ANKH: variants seen among roughly 807,000 people sequenced by gnomAD.
ANKH encodes the protein mineralization regulator ANKH.
Under a neutral mutation model 49.0 loss-of-function variants are expected in ANKH, and 15 were observed. That is an observed-to-expected ratio of 0.31 (90% CI 0.20 to 0.47). The LOEUF (loss-of-function observed/expected upper bound fraction) is 0.47, where lower values mean the gene tolerates loss of function less well. Among genes scored for constraint, ANKH ranks in the 20% least tolerant of loss-of-function variants. ANKH has a pLI of 1.00. For synonymous variants in ANKH, 273 were observed against 260.0 expected, an observed-to-expected ratio of 1.05 and a Z score of -0.48; for missense variants, 429 against 652.0, an observed-to-expected ratio of 0.66 and a Z score of 3.72.
chr5:14,830,834 G>A (rs1324841229), intron 1 of ANKH, among the ~76,000 whole-genome samples: 2 of 151,920 alleles, frequency 1.3e-5, no homozygotes, highest in Admixed American at 1.3e-4. Context: ...CTGGTTTTTG[G>A]CATCCAAAGG....
chr5:14,843,510 TAATGAGCCCTTCTCCCA>T (rs2126611873), intron 1 of ANKH, among the ~76,000 whole-genome samples: 2 of 114,014 alleles, frequency 1.8e-5, no homozygotes, highest in African/African-American at 7.1e-5. Context: ...AGACCCCAAC[TAATGAGCCCTTCTCCCA>T]AACAACTATC....
intron 1 of ANKH, among the ~76,000 whole-genome samples, chr5:14,820,586 G>A (rs992244532): frequency 1.3e-5 from 2 of 152,174 alleles, no homozygotes; most frequent in African/African-American, 4.8e-5. Context: ...GCAGGCCAAC[G>A]GCCCAACATC....
intron 1 of ANKH, among the ~76,000 whole-genome samples, chr5:14,825,315 TG>T (rs1580097642): frequency 6.6e-6 from 1 of 152,208 alleles, no homozygotes; most frequent in East Asian, 1.9e-4. Context: ...AGCTTCTATC[TG>T]ACATCTGTTT....
intron 8 of ANKH, among the ~76,000 whole-genome samples, chr5:14,729,155 G>T (rs1457703063): frequency 6.6e-6 from 1 of 152,174 alleles, no homozygotes; most frequent in Non-Finnish European, 1.5e-5. Context: ...CCGGGCTCAA[G>T]TAATTCTCCT....
chr5:14,836,164 C>T (rs1343508238), intron 1 of ANKH, among the ~76,000 whole-genome samples: 1 of 152,112 alleles, frequency 6.6e-6, no homozygotes, highest in Non-Finnish European at 1.5e-5. Context: ...CAATATCATA[C>T]TGAATGGGCA....
chr5:14,856,634 C>T (rs948092565), intron 1 of ANKH, among the ~76,000 whole-genome samples: 2 of 98,230 alleles, frequency 2.0e-5, no homozygotes, highest in East Asian at 2.7e-4. Context: ...TCCTTTTCTC[C>T]GATACAGACT....
At position 14,706,704 on chromosome 5, in the gene ANKH, T is replaced by C. The variant is rs1736956740; in HGVS notation, c.*4493A>G. The C allele has an allele frequency of 6.6e-6, 1 of 152,238 alleles. No homozygotes were observed. Among genetic ancestry groups the C allele is most frequent in the African/African-American group, 2.4e-5 (1 of 41,454 alleles). The allele number at this position is 152,238 out of a possible 1,614,324, so 9.4% of individuals were successfully genotyped here. A position where few individuals can be genotyped will look rare whatever the true frequency, so the allele number is the denominator to read the frequency against. On this transcript the variant is annotated 3_prime_UTR_variant, in exon 12 of 12. Transcript: ENST00000284268. ...TTTTACGTTTCTCATCAGATTTTTC[T>C]CTACATCCTGTTTTAAGTGTGATTA...
rs1737018666 is a variant in ANKH at position 14,708,297 on chromosome 5, G to A, written c.*2900C>T. ...CATCTAAATGAAAAACTACTTCATG[G>A]CCTTGTATTTTTAGATTGTATTCAT... On this transcript the variant is annotated 3_prime_UTR_variant, in exon 12 of 12. Transcript: ENST00000284268. The A allele has an allele frequency of 1.3e-5, 2 of 152,246 alleles. No individual in the cohort carries two copies. Among genetic ancestry groups the A allele is most frequent in the South Asian group, 4.2e-4 (2 of 4,818 alleles). 9.4% of individuals were successfully genotyped at this position (152,246 alleles called of 1,614,324 possible). A position where few individuals can be genotyped will look rare whatever the true frequency, so the allele number is the denominator to read the frequency against.
chr5:14,862,901 T>A (rs1735539658), intron 1 of ANKH, among the ~76,000 whole-genome samples: 1 of 152,172 alleles, frequency 6.6e-6, no homozygotes, highest in Non-Finnish European at 1.5e-5. Context: ...ACGAGTGTCA[T>A]GAAGTACAAA....
intron 1 of ANKH, among the ~76,000 whole-genome samples, chr5:14,847,075 T>C (rs1032108035): frequency 2.6e-5 from 4 of 151,158 alleles, no homozygotes; most frequent in Non-Finnish European, 5.9e-5. Context: ...GGTTGCCTTA[T>C]GGGATGAAGG....
At chr5:14,721,942 A>AT (rs1256127060) in intron 8 of ANKH, among the ~76,000 whole-genome samples, 13 of 151,454 alleles carry the variant, frequency 8.6e-5, no homozygotes, top group African/African-American at 3.1e-4. Context: ...AAAAAAAAAA[A>AT]AAAAAAAAAA....
intron 1 of ANKH, among the ~76,000 whole-genome samples, chr5:14,799,485 G>T (rs2126558464): frequency 6.6e-6 from 1 of 152,346 alleles, no homozygotes; most frequent in Middle Eastern, 3.4e-3. Context: ...TGGCTTCAAA[G>T]TTGCAAAGGA....
intron 3 of ANKH, among the ~76,000 whole-genome samples, chr5:14,757,430 A>ATATATATTT (rs1379233165): frequency 8.8e-6 from 1 of 113,818 alleles, no homozygotes; most frequent in Non-Finnish European, 1.8e-5. Context: ...ATATATATAT[A>ATATATATTT]TTTTTTTTTT....
chr5:14,819,922 C>CACACAG (rs1741152068), intron 1 of ANKH, among the ~76,000 whole-genome samples: 1 of 151,600 alleles, frequency 6.6e-6, no homozygotes, highest in African/African-American at 2.4e-5. Context: ...CACACACACA[C>CACACAG]ACACACACAC....
chr5:14,807,818 C>T (rs1465766734), intron 1 of ANKH, among the ~76,000 whole-genome samples: 1 of 152,124 alleles, frequency 6.6e-6, no homozygotes, highest in Non-Finnish European at 1.5e-5. Context: ...TTTTATTTTG[C>T]CCTTTGCAGC....
chr5:14,837,149 C>G (rs1208753375), intron 1 of ANKH, among the ~76,000 whole-genome samples: 6 of 152,112 alleles, frequency 3.9e-5, no homozygotes, highest in Admixed American at 1.3e-4. Context: ...AATCTTAGAC[C>G]TAAAACCATA....
intron 8 of ANKH, among the ~76,000 whole-genome samples, chr5:14,720,974 C>T (rs562170447): frequency 1.9e-4 from 29 of 152,356 alleles, no homozygotes; most frequent in African/African-American, 5.5e-4. Context: ...GATCCACAAT[C>T]GGGTCATGTT....
chr5:14,793,900 G>A (rs183072730), intron 1 of ANKH, among the ~76,000 whole-genome samples: 90 of 152,324 alleles, frequency 5.9e-4, no homozygotes, highest in Middle Eastern at 3.4e-3. Flanking sequence ...TGAATGGGGC[G>A]ACCGCCCACT....
chr5:14,726,254 G>A (rs936582710), intron 8 of ANKH, among the ~76,000 whole-genome samples: 3 of 152,194 alleles, frequency 2.0e-5, no homozygotes, highest in Non-Finnish European at 2.9e-5. Flanking sequence ...GCAGCCATAA[G>A]GAATGCTGTT....
Sources: allele counts gnomAD v4.1 joint callset (sites outside exome capture counted in the v4.1 genomes callset), GRCh38; gene constraint gnomAD v4.1.1; transcripts MANE v1.5; gene names NCBI Gene and HGNC (gene_info 2026-07-23, HGNC 2026-07-21).